SBF1: variants seen among roughly 807,000 people sequenced by gnomAD.
SBF1 encodes the protein myotubularin-related protein 5.
Under a neutral mutation model 215.8 loss-of-function variants are expected in SBF1, and 65 were observed. That is an observed-to-expected ratio of 0.30 (90% confidence interval 0.25 to 0.37). The LOEUF is 0.37. Among genes scored for constraint, SBF1 ranks in the 10% least tolerant of loss-of-function variants. The pLI is 1.00. For synonymous variants in SBF1, 1,410 were observed against 1,122.8 expected (o/e 1.26, Z -5.11); for missense variants, 2,634 against 2,667.8 (o/e 0.99, Z 0.28).
At chr22:50,448,090 C>T (rs543316713) in intron 38 of SBF1, 143 bp downstream of exon 38, 8 of 741,238 alleles carry the variant, frequency 1.1e-5, no homozygotes, top group East Asian at 1.1e-4. Flanking sequence ...GTCACCAGTT[C>T]GACACCCCAA....
chr22:50,459,409 A>G lies in SBF1; in HGVS notation c.3689-17T>C. The G allele has an allele frequency of 6.2e-7, 1 of 1,611,770 alleles. No individual in the cohort carries two copies. The highest frequency in any genetic ancestry group is 8.5e-7 in the Non-Finnish European group (1 of 1,179,106). ...GGGACTGGCCTGGGGGAGGACACGG[A>G]GCTGAGGGAGGGGAGGGTGAGATAG... On this transcript the variant is annotated splice_polypyrimidine_tract_variant and intron_variant, in intron 27 of 40. Transcript: ENST00000380817.
intron 36 of SBF1, among the ~76,000 whole-genome samples, chr22:50,450,034 G>A (rs956237853): frequency 3.9e-5 from 6 of 152,240 alleles, no homozygotes; most frequent in Non-Finnish European, 7.3e-5. Context: ...TTGCTGAGCC[G>A]AGGAGGCAGA....
In SBF1 at chr22:50,466,344, G is replaced by T. The variant is rs1248534464; in HGVS notation, c.788+6C>A. The stretch of plus-strand genomic sequence containing the variant: ...GAAGGGGCTGGGAGGGCCGGGCAGG[G>T]GTCACCTGTATCTGAGAGGAAACAG... On this transcript the variant is annotated splice_donor_region_variant and intron_variant, in intron 7 of 40. Coordinates refer to ENST00000380817, the MANE Select transcript of SBF1 (RefSeq NM_002972.4). 6.3e-7 allele frequency: 1 copy of T among 1,580,278 alleles called. No individual in the cohort carries two copies. The highest frequency in any genetic ancestry group is 1.1e-5 in the South Asian group (1 of 87,546).
chr22:50,458,748 C>A (rs767780737), intron 28 of SBF1, among the ~76,000 whole-genome samples: 2 of 152,240 alleles, frequency 1.3e-5, no homozygotes, highest in Non-Finnish European at 2.9e-5. Flanking sequence ...AAGGCCAGCT[C>A]GGGCAAGGCC....
At chr22:50,462,983 C>A (rs556617743) in intron 16 of SBF1, 45 bp from the exon 17 acceptor site, 2 of 1,551,486 alleles carry the variant, frequency 1.3e-6, no homozygotes, top group African/African-American at 2.7e-5. Flanking sequence ...CCCTCCCAGG[C>A]AGCACTCACC....
In SBF1 at chr22:50,465,645, C is replaced by T; in HGVS notation, c.1089+118G>A. 3.2e-6 allele frequency: 3 copies of T among 947,648 alleles called. No individual in the cohort carries two copies. The East Asian group carries it at 7.9e-5, about 25-fold the overall frequency. The allele number at this position is 947,648 out of a possible 1,614,324, so 58.7% of individuals were successfully genotyped here. On this transcript the variant is annotated intron_variant, in intron 10 of 40. Coordinates refer to ENST00000380817, the MANE Select transcript of SBF1 (RefSeq NM_002972.4). Reference sequence around the variant, plus strand: ...CTGCTTTGCTCCCAGGCTCCTGCTTCTGCTACTGGAGCCGGGGCCAGCCTG... The same window carrying T: ...CTGCTTTGCTCCCAGGCTCCTGCTTTTGCTACTGGAGCCGGGGCCAGCCTG...
intron 36 of SBF1, among the ~76,000 whole-genome samples, chr22:50,451,834 T>G (rs1478743014): frequency 2.6e-5 from 4 of 151,000 alleles, no homozygotes; most frequent in Admixed American, 6.6e-5. Context: ...CTCACTCATG[T>G]CGCCCAGGCT....
At chr22:50,455,619 A>G in intron 31 of SBF1, 37 bp from the exon 32 acceptor site, 5 of 1,527,210 alleles carry the variant, frequency 3.3e-6, no homozygotes, top group Non-Finnish European at 4.4e-6. Context: ...TCGGGGACCC[A>G]CCGCCCTCCC....
chr22:50,471,540 G>C (rs889060776), intron 1 of SBF1, among the ~76,000 whole-genome samples: 14 of 152,168 alleles, frequency 9.2e-5, no homozygotes, highest in African/African-American at 3.1e-4. Flanking sequence ...CTGCTTGTGG[G>C]GAACCCAGCT....
intron 29 of SBF1, 139 bp downstream of exon 29, chr22:50,456,895 G>GT (rs1316818361): frequency 7.6e-6 from 6 of 784,528 alleles, no homozygotes; most frequent in South Asian, 4.3e-5. Context: ...GGTCAGGGAG[G>GT]TAAGGACTGG....
chr22:50,461,430 C>T, intron 22 of SBF1, 93 bp downstream of exon 22: 1 of 1,497,890 alleles, frequency 6.7e-7, no homozygotes, highest in Non-Finnish European at 8.9e-7. Flanking sequence ...ACCCAGAACC[C>T]CCGAGAAAAG....
At position 50,448,240 on chromosome 22, in the gene SBF1, C is replaced by G; in HGVS notation, c.5356G>C (p.Glu1786Gln). ...TGGGAGGTGCCCTCATACCTGTTCT[C>G]ACTCTCTGCTGTCTGGAACTGGCTG... is the stretch of plus-strand genomic sequence containing the variant. ...LYSQFQTAES[E>Q]NRSYEGTLYK... is the part of the protein sequence containing the mutation. Residue 1786 changes from glutamate to glutamine, a missense_variant, in exon 38 of 41, where the codon GAG (glutamate) becomes CAG (glutamine). Transcript: ENST00000380817. 1 of 1,611,954 alleles carries G rather than the reference C, an allele frequency of 6.2e-7. No homozygotes were observed. The highest frequency in any genetic ancestry group is 2.2e-5 in the East Asian group (1 of 44,888).
intron 15 of SBF1, among the ~76,000 whole-genome samples, 156 bp downstream of exon 15, chr22:50,464,173 G>GAGCCCACCTACCCTCCGGCC (rs1315814698): frequency 1.2e-4 from 18 of 152,342 alleles, no homozygotes; most frequent in African/African-American, 4.3e-4. Flanking sequence ...AGGAGACCTG[G>GAGCCCACCTACCCTCCGGCC]AGCCCACCTA....
At chr22:50,450,251 T>A (rs569358078) in intron 36 of SBF1, among the ~76,000 whole-genome samples, 1 of 152,222 alleles carries the variant, frequency 6.6e-6, no homozygotes, top group Non-Finnish European at 1.5e-5. Context: ...CCGGCAGCAG[T>A]GGCTCACACC....
Position 50,459,604 on chromosome 22 carries a change from C to G in SBF1, c.3554G>C (p.Arg1185Pro). The change falls in exon 27 of 41, where the codon CGC (arginine) becomes CCC (proline). Residue 1185 changes from arginine (R) to proline (P), a missense_variant. Transcript: ENST00000380817. ...VQDNALQRVSRCYRQNRFPVV... is the reference protein window; with the variant it reads ...VQDNALQRVSPCYRQNRFPVV... ...GGGGAAGCGGTTCTGGCGGTAGCAG[C>G]GGGACACGCGCTGCAGGGCGTTGTC... The G allele has an allele frequency of 6.2e-7, 1 of 1,609,740 alleles. No individual in the cohort carries two copies. Among genetic ancestry groups the G allele is most frequent in the Non-Finnish European group, 8.5e-7 (1 of 1,178,876 alleles).
intron 26 of SBF1, 88 bp from the exon 27 acceptor site, chr22:50,459,754 T>C (rs1048722862): frequency 1.1e-5 from 15 of 1,421,328 alleles, no homozygotes; most frequent in Middle Eastern, 2.4e-4. Context: ...AGCCAGCCCA[T>C]GGCTCCCAGC....
chr22:50,464,478 C>T (rs750842741), intron 14 of SBF1, 37 bp from the exon 15 acceptor site: 1 of 1,604,590 alleles, frequency 6.2e-7, no homozygotes, highest in East Asian at 2.2e-5. Flanking sequence ...GACCCCTGAC[C>T]CCACGCCCAT....
chr22:50,474,636 C>T (rs1413854464), intron 1 of SBF1, 150 bp downstream of exon 1: 1 of 539,076 alleles, frequency 1.9e-6, no homozygotes, highest in African/African-American at 2.1e-5. Context: ...GGTCCTCGGC[C>T]CTCAGCGCCC....
intron 1 of SBF1, among the ~76,000 whole-genome samples, chr22:50,473,474 T>C (rs1487988122): frequency 6.6e-6 from 1 of 152,014 alleles, no homozygotes; most frequent in African/African-American, 2.4e-5. Context: ...GAGAACTCCC[T>C]CTCTAAAGAA....
Sources: allele counts gnomAD v4.1 joint callset (sites outside exome capture counted in the v4.1 genomes callset), GRCh38; gene constraint gnomAD v4.1.1; transcripts MANE v1.5; gene names NCBI Gene and HGNC (gene_info 2026-07-23, HGNC 2026-07-21).